Variants in MIPOL1 observed in about 807,000 individuals in gnomAD.
MIPOL1 encodes the protein mirror-image polydactyly 1, also known as mirror-image polydactyly gene 1 protein.
Under a neutral mutation model 60.9 loss-of-function variants are expected in MIPOL1, and 57 were observed. The ratio of observed to expected loss-of-function variants is 0.94; its 90% confidence interval spans 0.76 to 1.17. MIPOL1 has a LOEUF of 1.17. MIPOL1 is among the 50% of genes most tolerant of loss of function. The pLI, the probability that MIPOL1 is intolerant of heterozygous loss-of-function variation, is 0.00. For missense variants in MIPOL1, 551 were observed against 511.6 expected (o/e 1.08, Z -0.74); for synonymous variants, 179 against 168.8 (o/e 1.06, Z -0.47).
At chr14:37,251,560 A>G (rs1430774693) in intron 3 of MIPOL1, among the ~76,000 whole-genome samples, 1 of 151,910 alleles carries the variant, frequency 6.6e-6, no homozygotes, top group Non-Finnish European at 1.5e-5. Flanking sequence ...TTTGAAAAAA[A>G]AAAAGGAAAA....
chr14:37,250,448 G>A (rs1369075717), intron 3 of MIPOL1, among the ~76,000 whole-genome samples: 2 of 152,100 alleles, frequency 1.3e-5, no homozygotes, highest in Non-Finnish European at 2.9e-5. Context: ...TCGGTAGTCT[G>A]AGGCAGGAGA....
intron 7 of MIPOL1, among the ~76,000 whole-genome samples, chr14:37,304,763 T>A (rs761215050): frequency 6.6e-6 from 1 of 151,836 alleles, no homozygotes; most frequent in African/African-American, 2.4e-5. Context: ...AGTGCAAGGA[T>A]GTCAGTCAGA....
In MIPOL1 at chr14:37,268,637, TAATC is replaced by T; in HGVS notation, c.252-19_252-16del. ...ATTAGTTTATCTTACTCTGAAATGTTAATCAGTTTCTTTATTACAGCGTTATGGA... is the reference window on the plus strand; with the variant it reads ...ATTAGTTTATCTTACTCTGAAATGTTAGTTTCTTTATTACAGCGTTATGGA... On this transcript the variant is annotated splice_polypyrimidine_tract_variant and intron_variant, in intron 4 of 12. Transcript: ENST00000684589. 1.3e-6 allele frequency: 2 copies of T among 1,553,276 alleles called. No individual in the cohort carries two copies. The highest frequency in any genetic ancestry group is 2.4e-5 in the South Asian group (2 of 82,488).
At chr14:37,200,623 C>T (rs1016613964) in intron 1 of MIPOL1, among the ~76,000 whole-genome samples, 4 of 148,760 alleles carry the variant, frequency 2.7e-5, no homozygotes, top group Admixed American at 2.7e-4. Flanking sequence ...CATAGGAACC[C>T]AAAGTGCTGG....
At chr14:37,378,185 G>A (rs550997100) in intron 10 of MIPOL1, among the ~76,000 whole-genome samples, 1 of 152,008 alleles carries the variant, frequency 6.6e-6, no homozygotes, top group South Asian at 2.1e-4. Flanking sequence ...TTGCACTCCT[G>A]GATCTTTATC....
intron 10 of MIPOL1, among the ~76,000 whole-genome samples, chr14:37,396,446 T>C (rs988513382): frequency 6.6e-6 from 1 of 152,088 alleles, no homozygotes; most frequent in Non-Finnish European, 1.5e-5. Context: ...CTGATGACAA[T>C]GCGCCTAGGT....
At chr14:37,380,676 A>C (rs767813900) in intron 10 of MIPOL1, among the ~76,000 whole-genome samples, 4 of 152,174 alleles carry the variant, frequency 2.6e-5, no homozygotes, top group Non-Finnish European at 4.4e-5. Flanking sequence ...TTGGTTACTA[A>C]TGATGTTTTT....
At chr14:37,520,662 A>G (rs2095406405) in intron 12 of MIPOL1, among the ~76,000 whole-genome samples, 1 of 152,094 alleles carries the variant, frequency 6.6e-6, no homozygotes, top group Non-Finnish European at 1.5e-5. Context: ...ATTTTTTTGC[A>G]TTGGTATAAG....
intron 9 of MIPOL1, among the ~76,000 whole-genome samples, chr14:37,328,403 G>T (rs1248694550): frequency 2.0e-5 from 3 of 152,024 alleles, no homozygotes; most frequent in Admixed American, 6.6e-5. Context: ...ATCCAAATCA[G>T]TCAAACTAGC....
intron 9 of MIPOL1, among the ~76,000 whole-genome samples, chr14:37,343,069 T>G (rs1195838040): frequency 6.6e-6 from 1 of 150,880 alleles, no homozygotes; most frequent in South Asian, 2.1e-4. Context: ...GCTGATATGT[T>G]GCCTAATGGA....
At chr14:37,261,288 GA>G (rs546225025) in intron 3 of MIPOL1, among the ~76,000 whole-genome samples, 6,222 of 144,560 alleles carry the variant, frequency 0.043, 294 homozygotes, top group African/African-American at 0.12. Flanking sequence ...AAGAGAAAAA[GA>G]AAAAAAAAAG....
chr14:37,480,117 G>A, intron 11 of MIPOL1, among the ~76,000 whole-genome samples: 1 of 152,008 alleles, frequency 6.6e-6, no homozygotes, highest in East Asian at 1.9e-4. Flanking sequence ...ATTTAATGAA[G>A]AACTAATCCT....
intron 12 of MIPOL1, among the ~76,000 whole-genome samples, chr14:37,544,535 T>C (rs532017217): frequency 6.6e-6 from 1 of 152,286 alleles, no homozygotes; most frequent in East Asian, 1.9e-4. Context: ...TTAAGGACAT[T>C]ATTGATTTGG....
At chr14:37,353,527 A>C (rs1031963642) in intron 9 of MIPOL1, among the ~76,000 whole-genome samples, 1 of 151,746 alleles carries the variant, frequency 6.6e-6, no homozygotes, top group Non-Finnish European at 1.5e-5. Flanking sequence ...CTGTGAATCC[A>C]TCTGGTCCTG....
At chr14:37,206,184 G>T (rs1435905249) in intron 1 of MIPOL1, among the ~76,000 whole-genome samples, 1 of 152,106 alleles carries the variant, frequency 6.6e-6, no homozygotes, top group Non-Finnish European at 1.5e-5. Context: ...AGGAAAAAAT[G>T]GTTTCATGGA....
At chr14:37,198,668 A>G (rs1964730042) in intron 1 of MIPOL1, among the ~76,000 whole-genome samples, 1 of 152,176 alleles carries the variant, frequency 6.6e-6, no homozygotes, top group African/African-American at 2.4e-5. Context: ...GGAGGGAACA[A>G]GACAGCCGCA....
intron 9 of MIPOL1, among the ~76,000 whole-genome samples, chr14:37,363,465 A>G (rs1445766846): frequency 6.6e-6 from 1 of 152,190 alleles, no homozygotes; most frequent in Non-Finnish European, 1.5e-5. Context: ...TAAATATTGC[A>G]GAACAGCAAA....
At position 37,367,811 on chromosome 14, in the gene MIPOL1, C is replaced by T. The variant is rs537152605; in HGVS notation, c.829-1706C>T. On this transcript the variant is annotated intron_variant, in intron 9 of 12. Transcript: ENST00000684589. The stretch of plus-strand genomic sequence containing the variant: ...TTAGTAGAGAATATCTCTACTGTAT[C>T]GTGAGTACACACGATAGTACAGTTA... 2.0e-5 allele frequency among the ~76,000 whole-genome samples: 3 copies of T among 151,996 alleles called. No homozygotes were observed. The South Asian group carries it at 6.2e-4, about 32-fold the overall frequency.
At chr14:37,436,770 C>A (rs368343556) in intron 11 of MIPOL1, among the ~76,000 whole-genome samples, 3 of 152,200 alleles carry the variant, frequency 2.0e-5, no homozygotes, top group Admixed American at 2.0e-4. Context: ...GCCCTTCCAC[C>A]TGGCCCTATC....
Sources: allele counts gnomAD v4.1 joint callset (sites outside exome capture counted in the v4.1 genomes callset), GRCh38; gene constraint gnomAD v4.1.1; transcripts MANE v1.5; gene names NCBI Gene and HGNC (gene_info 2026-07-23, HGNC 2026-07-21).